The following ZNF599 variants were observed in gnomAD, a reference collection of about 807,000 sequenced individuals.
ZNF599 encodes zinc finger protein 599.
A neutral mutation model predicts 11.7 loss-of-function variants in ZNF599; 10 were observed. The ratio of observed to expected loss-of-function variants is 0.86; its 90% confidence interval spans 0.53 to 1.45. ZNF599 has a LOEUF of 1.45. ZNF599 is among the 40% of genes most tolerant of loss of function. ZNF599 has a pLI of 0.00. For missense variants in ZNF599, 688 were observed against 713.6 expected (o/e 0.96, Z 0.41); for synonymous variants, 232 against 253.2 (o/e 0.92, Z 0.79).
At chr19:34,761,599 G>T (rs2145451694) in intron 3 of ZNF599, among the ~76,000 whole-genome samples, 1 of 152,238 alleles carries the variant, frequency 6.6e-6, no homozygotes, top group East Asian at 1.9e-4. Context: ...AACGGTGAAA[G>T]GGAAAAATGA....
the ZNF599 span, among the ~76,000 whole-genome samples, chr19:34,783,758 C>CAAAAGGGCTCAGTCTTCTTCCTTA: frequency 7.9e-5 from 12 of 152,164 alleles, no homozygotes; most frequent in Admixed American, 7.8e-4. Flanking sequence ...CAGATACAAA[C>CAAAAGGGCTCAGTCTTCTTCCTTA]AAAAGGGCTC....
upstream of ZNF599, among the ~76,000 whole-genome samples, chr19:34,777,314 T>C (rs545410082): frequency 1.6e-4 from 16 of 101,550 alleles, no homozygotes; most frequent in African/African-American, 5.6e-4. Context: ...TTATGTATAT[T>C]TATCTATATT....
At chr19:34,795,910 C>A in the ZNF599 span, among the ~76,000 whole-genome samples, 1 of 152,294 alleles carries the variant, frequency 6.6e-6, no homozygotes, top group Non-Finnish European at 1.5e-5. Flanking sequence ...CAACCTCTGC[C>A]TCCCAGGTTC....
At chr19:34,784,719 T>C in the ZNF599 span, among the ~76,000 whole-genome samples, 2 of 152,000 alleles carry the variant, frequency 1.3e-5, no homozygotes, top group Non-Finnish European at 2.9e-5. Context: ...TCCACCTCCA[T>C]TCTGGCTAAG....
chr19:34,783,409 G>T, the ZNF599 span, among the ~76,000 whole-genome samples: 2 of 152,198 alleles, frequency 1.3e-5, no homozygotes, highest in African/African-American at 4.8e-5. Flanking sequence ...ATTTTAGTAA[G>T]CTCTGGGTTA....
upstream of ZNF599, among the ~76,000 whole-genome samples, chr19:34,778,177 A>G (rs2069230716): frequency 6.6e-6 from 1 of 152,134 alleles, no homozygotes; most frequent in South Asian, 2.1e-4. Flanking sequence ...GACACAGCTG[A>G]AAGACAATTT....
At chr19:34,779,484 A>G in the ZNF599 span, 1 of 456,702 alleles carries the variant, frequency 2.2e-6, no homozygotes, top group Non-Finnish European at 4.4e-6. Flanking sequence ...GGGGCTTTGG[A>G]TAATTTCTCA....
At chr19:34,797,627 T>C in the ZNF599 span, among the ~76,000 whole-genome samples, 3 of 152,226 alleles carry the variant, frequency 2.0e-5, no homozygotes, top group Non-Finnish European at 2.9e-5. Context: ...GAGAAGTGTC[T>C]GGGAACATCT....
At chr19:34,801,359 G>A in the ZNF599 span, among the ~76,000 whole-genome samples, 1 of 152,178 alleles carries the variant, frequency 6.6e-6, no homozygotes, top group Non-Finnish European at 1.5e-5. Context: ...TTGTTGTTCA[G>A]TAAAACTGGA....
At chr19:34,792,772 A>T in the ZNF599 span, among the ~76,000 whole-genome samples, 5 of 152,044 alleles carry the variant, frequency 3.3e-5, no homozygotes, top group African/African-American at 1.2e-4. Context: ...CTGAGGCAGG[A>T]GAATGGCATG....
the ZNF599 span, among the ~76,000 whole-genome samples, chr19:34,781,405 C>A: frequency 6.6e-6 from 1 of 152,074 alleles, no homozygotes; most frequent in African/African-American, 2.4e-5. Context: ...CAGAGAGAGC[C>A]CTTGCTTACC....
the ZNF599 span, among the ~76,000 whole-genome samples, chr19:34,779,029 T>G: frequency 6.6e-6 from 1 of 152,172 alleles, no homozygotes. Context: ...CACCAATTGT[T>G]GGTGAGGATG....
At chr19:34,799,229 C>T in the ZNF599 span, among the ~76,000 whole-genome samples, 30 of 152,114 alleles carry the variant, frequency 2.0e-4, no homozygotes, top group Admixed American at 6.6e-4. Flanking sequence ...TCTGGAACTC[C>T]ATAGCTCAAG....
At chr19:34,789,459 A>G in the ZNF599 span, among the ~76,000 whole-genome samples, 1 of 152,188 alleles carries the variant, frequency 6.6e-6, no homozygotes, top group Non-Finnish European at 1.5e-5. Flanking sequence ...TTACTAATTT[A>G]CATTACCACC....
chr19:34,777,892 G>T (rs906699385), upstream of ZNF599, among the ~76,000 whole-genome samples: 1 of 151,952 alleles, frequency 6.6e-6, no homozygotes, highest in South Asian at 2.1e-4. Flanking sequence ...CTAGAGAGCT[G>T]CTGAACAACA....
At chr19:34,761,080 G>C (rs879892066) in intron 3 of ZNF599, among the ~76,000 whole-genome samples, 1 of 152,190 alleles carries the variant, frequency 6.6e-6, no homozygotes, top group African/African-American at 2.4e-5. Context: ...TACAAGGGCT[G>C]AAAGTCTTGA....
At chr19:34,787,906 C>T in the ZNF599 span, among the ~76,000 whole-genome samples, 1 of 152,154 alleles carries the variant, frequency 6.6e-6, no homozygotes, top group African/African-American at 2.4e-5. Context: ...TTACAGTCGG[C>T]CCTCTGTATC....
At chr19:34,777,417 A>C (rs1252855163), upstream of ZNF599, among the ~76,000 whole-genome samples, 1 of 94,696 alleles carries the variant, frequency 1.1e-5, no homozygotes, top group Non-Finnish European at 2.0e-5. Context: ...TATAATATAT[A>C]TTAATTAATA....
chr19:34,786,257 T>C, the ZNF599 span, among the ~76,000 whole-genome samples: 5 of 152,148 alleles, frequency 3.3e-5, no homozygotes, highest in Non-Finnish European at 7.4e-5. Flanking sequence ...CCCTTACCTC[T>C]GACATTTCCT....
Sources: gnomAD v4.1 joint callset for allele counts (sites outside exome capture counted in the v4.1 genomes callset) on GRCh38, gnomAD v4.1.1 for gene constraint, MANE v1.5 for transcripts, NCBI Gene and HGNC (gene_info 2026-07-23, HGNC 2026-07-21) for gene names.